GABRB2: variants seen among roughly 807,000 people sequenced by gnomAD.
GABRB2 encodes the protein gamma-aminobutyric acid type A receptor subunit beta2.
In GABRB2, 16 loss-of-function variants were observed where a neutral mutation model predicts 54.7. That is an observed-to-expected ratio of 0.29 (90% CI 0.20 to 0.44). GABRB2 has a LOEUF of 0.44. Ranked by LOEUF, GABRB2 falls within the 20% of genes least tolerant of loss-of-function variation. The pLI, the probability that GABRB2 is intolerant of heterozygous loss-of-function variation, is 1.00. For synonymous variants in GABRB2, 244 were observed against 233.8 expected (o/e 1.04, Z -0.40); for missense variants, 355 against 644.0 (o/e 0.55, Z 4.86).
chr5:161,462,881 C>T (rs901899695), intron 3 of GABRB2, among the ~76,000 whole-genome samples: 27 of 152,208 alleles, frequency 1.8e-4, no homozygotes, highest in Non-Finnish European at 1.5e-4. Context: ...CTACCCTTTC[C>T]CCTAGGCTCC....
rs1278923753 is a variant in GABRB2 at position 161,429,353 on chromosome 5, A to AAAAAAAAAAAAAAG, written c.459-18297_459-18296insCTTTTTTTTTTTTT. Among the ~76,000 whole-genome samples the AAAAAAAAAAAAAAG allele has an allele frequency of 3.4e-5, 5 of 149,052 alleles. 1 individual carries two copies. Among genetic ancestry groups the AAAAAAAAAAAAAAG allele is most frequent in the Non-Finnish European group, 6.0e-5 (4 of 67,144 alleles). ...AGAGCAAGAATCCGTCTCAAAAAAA[A>AAAAAAAAAAAAAAG]AAAAAGAAAAAGAAAAAAAAAGAAA... is the stretch of plus-strand genomic sequence containing the variant. On this transcript the variant is annotated intron_variant, in intron 4 of 9. Transcript: ENST00000393959.
intron 3 of GABRB2, among the ~76,000 whole-genome samples, chr5:161,543,135 G>T (rs1760870884): frequency 6.6e-6 from 1 of 152,202 alleles, no homozygotes; most frequent in African/African-American, 2.4e-5. Context: ...CATTAATGTT[G>T]CAATGTTGTC....
intron 5 of GABRB2, among the ~76,000 whole-genome samples, chr5:161,348,400 C>T (rs1045302791): frequency 6.6e-6 from 1 of 151,984 alleles, no homozygotes; most frequent in African/African-American, 2.4e-5. Flanking sequence ...TAATGATTAA[C>T]AGAAGATAGT....
At chr5:161,341,861 T>C (rs1481125860) in intron 5 of GABRB2, among the ~76,000 whole-genome samples, 4 of 148,426 alleles carry the variant, frequency 2.7e-5, no homozygotes, top group Non-Finnish European at 5.9e-5. Flanking sequence ...TCTGAACCTG[T>C]GCCAAGATAT....
At chr5:161,460,240 C>T (rs1758078701) in intron 3 of GABRB2, among the ~76,000 whole-genome samples, 1 of 151,458 alleles carries the variant, frequency 6.6e-6, no homozygotes, top group African/African-American at 2.4e-5. Flanking sequence ...GCCACCACAA[C>T]CGGCCAAGAA....
chr5:161,326,886 G>T, intron 8 of GABRB2: 1 of 648,656 alleles, frequency 1.5e-6, no homozygotes, highest in Non-Finnish European at 1.9e-6. Flanking sequence ...AAAAAGGCAA[G>T]AATAACTTGA....
chr5:161,374,789 A>G (rs576644312), intron 5 of GABRB2, among the ~76,000 whole-genome samples: 2 of 152,208 alleles, frequency 1.3e-5, no homozygotes, highest in Non-Finnish European at 2.9e-5. Context: ...ATGGGTACAC[A>G]TAACTATACA....
chr5:161,441,002 T>C (rs1282181920), intron 4 of GABRB2, among the ~76,000 whole-genome samples: 2 of 152,170 alleles, frequency 1.3e-5, no homozygotes. Flanking sequence ...CTTCAAACTA[T>C]GAAATTTCTA....
intron 3 of GABRB2, among the ~76,000 whole-genome samples, chr5:161,484,111 C>T (rs897143397): frequency 2.0e-5 from 3 of 151,636 alleles, no homozygotes; most frequent in South Asian, 2.1e-4. Flanking sequence ...ATGTTCTATA[C>T]CCACTCTGAT....
chr5:161,516,562 A>G (rs1240893508), intron 3 of GABRB2, among the ~76,000 whole-genome samples: 2 of 152,230 alleles, frequency 1.3e-5, no homozygotes, highest in Non-Finnish European at 2.9e-5. Context: ...TGAACTTGGC[A>G]TTTCATAACT....
At chr5:161,297,453 C>G (rs1436789548) in intron 9 of GABRB2, among the ~76,000 whole-genome samples, 3 of 152,018 alleles carry the variant, frequency 2.0e-5, no homozygotes, top group Non-Finnish European at 4.4e-5. Context: ...CCCTGACAGG[C>G]CTTGGTGTGT....
chr5:161,508,175 C>A (rs1250657133), intron 3 of GABRB2, among the ~76,000 whole-genome samples: 6 of 151,256 alleles, frequency 4.0e-5, no homozygotes, highest in African/African-American at 1.5e-4. Flanking sequence ...TAGATATAAA[C>A]CTATTTATGC....
At chr5:161,339,834 T>C (rs1336255529) in intron 5 of GABRB2, among the ~76,000 whole-genome samples, 2 of 151,970 alleles carry the variant, frequency 1.3e-5, no homozygotes, top group African/African-American at 2.4e-5. Flanking sequence ...GTCTGGCAAA[T>C]GATAGAGTAA....
intron 9 of GABRB2, among the ~76,000 whole-genome samples, chr5:161,294,676 T>G (rs958532957): frequency 1.3e-5 from 2 of 152,252 alleles, no homozygotes; most frequent in Non-Finnish European, 2.9e-5. Context: ...AATTATATAA[T>G]AGACTGTTGC....
At chr5:161,441,869 G>A (rs1227682258) in intron 4 of GABRB2, among the ~76,000 whole-genome samples, 2 of 152,168 alleles carry the variant, frequency 1.3e-5, no homozygotes, top group African/African-American at 4.8e-5. Flanking sequence ...TACATCTCAT[G>A]TTCTCACTTA....
chr5:161,462,356 A>T (rs1758139544), intron 3 of GABRB2, among the ~76,000 whole-genome samples: 2 of 152,202 alleles, frequency 1.3e-5, no homozygotes, highest in African/African-American at 4.8e-5. Flanking sequence ...AAAGGATCAG[A>T]TATATATTTT....
chr5:161,493,882 T>C (rs180856772), intron 3 of GABRB2, among the ~76,000 whole-genome samples: 2 of 151,888 alleles, frequency 1.3e-5, no homozygotes, highest in African/African-American at 4.8e-5. Flanking sequence ...ATTATCCTAA[T>C]GCATTTGCTA....
chr5:161,493,241 A>G (rs1759131864), intron 3 of GABRB2, among the ~76,000 whole-genome samples: 1 of 151,748 alleles, frequency 6.6e-6, no homozygotes, highest in African/African-American at 2.4e-5. Context: ...AAGCTGAGGA[A>G]CATTTCACAA....
At chr5:161,482,215 G>A (rs992900939) in intron 3 of GABRB2, among the ~76,000 whole-genome samples, 4 of 152,018 alleles carry the variant, frequency 2.6e-5, no homozygotes, top group African/African-American at 9.7e-5. Flanking sequence ...GTGTGCATGT[G>A]TTTCTTGGTT....
Sources: gnomAD v4.1 joint callset for allele counts (sites outside exome capture counted in the v4.1 genomes callset) on GRCh38, gnomAD v4.1.1 for gene constraint, MANE v1.5 for transcripts, NCBI Gene and HGNC (gene_info 2026-07-23, HGNC 2026-07-21) for gene names.